SRGAP1: variants seen among roughly 807,000 people sequenced by gnomAD.
The protein encoded by SRGAP1 is SLIT-ROBO Rho GTPase-activating protein 1.
A neutral mutation model predicts 121.9 loss-of-function variants in SRGAP1; 43 were observed. The observed-to-expected ratio is 0.35, with a 90% CI of 0.28 to 0.46. The LOEUF is 0.46. Ranked by LOEUF, SRGAP1 falls within the 20% of genes least tolerant of loss-of-function variation. The pLI, the probability that SRGAP1 is intolerant of heterozygous loss-of-function variation, is 1.00. For missense variants in SRGAP1, 1,102 were observed against 1,350.9 expected (o/e 0.82, Z 2.89); for synonymous variants, 447 against 485.4 (o/e 0.92, Z 1.04).
Position 64,035,173 on chromosome 12 carries a change from C to T in SRGAP1, c.490-7617C>T, listed in dbSNP as rs192859689. ...ATTGTAGGTGTATGTTAAGGGCTGGCTTCTCATGCCTTTATATCCTTTATA... is the reference window on the plus strand; with the variant it reads ...ATTGTAGGTGTATGTTAAGGGCTGGTTTCTCATGCCTTTATATCCTTTATA... On this transcript the variant is annotated intron_variant, in intron 4 of 21. Coordinates refer to ENST00000355086, the MANE Select transcript of SRGAP1 (RefSeq NM_020762.4). Among the ~76,000 whole-genome samples the T allele has an allele frequency of 1.4e-4, 22 of 152,150 alleles. No homozygotes were observed. In the East Asian group the frequency reaches 4.3e-3, roughly 29 times the overall value.
rs1898848752 is a variant in SRGAP1 at position 63,844,939 on chromosome 12, C to T, written c.67+56C>T. 6 of 1,524,900 alleles carry T rather than the reference C, an allele frequency of 3.9e-6. No individual in the cohort carries two copies. Among genetic ancestry groups the T allele is most frequent in the East Asian group, 2.2e-5 (1 of 44,476 alleles). The allele number at this position is 1,524,900 out of a possible 1,614,324, so 94.5% of individuals were successfully genotyped here. On this transcript the variant is annotated intron_variant, in intron 1 of 21. Transcript: ENST00000355086. The surrounding 1 kb of genome is among the most constrained non-coding windows in gnomAD (Gnocchi z 4.3). Reference sequence around the variant, plus strand: ...TTGTGTGCCTTCTTGTCATTGTGCTCGTGGAGTTGCGTATCTAACTTGGTG... The same window carrying T: ...TTGTGTGCCTTCTTGTCATTGTGCTTGTGGAGTTGCGTATCTAACTTGGTG...
chr12:63,901,364 C>T (rs61933088), intron 1 of SRGAP1, among the ~76,000 whole-genome samples: 7,323 of 152,184 alleles, frequency 0.048, 272 homozygotes, highest in Middle Eastern at 0.14. Context: ...GTAAAGTCTC[C>T]CTGTTGAGTT....
intron 18 of SRGAP1, among the ~76,000 whole-genome samples, chr12:64,118,311 C>G (rs11829790): frequency 6.6e-6 from 1 of 152,054 alleles, no homozygotes; most frequent in African/African-American, 2.4e-5. Context: ...ACTTTGTCAC[C>G]CAGGCTGGAG....
intron 14 of SRGAP1, among the ~76,000 whole-genome samples, chr12:64,095,628 G>T (rs1434753834): frequency 6.6e-6 from 1 of 152,212 alleles, no homozygotes; most frequent in Middle Eastern, 3.4e-3. Context: ...ACCCTAGGGG[G>T]TGCCTTATGC....
intron 1 of SRGAP1, among the ~76,000 whole-genome samples, chr12:63,970,683 G>C (rs2032921323): frequency 6.6e-6 from 1 of 152,050 alleles, no homozygotes; most frequent in Admixed American, 6.6e-5. Flanking sequence ...TTGCATTATG[G>C]TACTCACAAA....
At chr12:63,994,926 A>G (rs2033653229) in intron 3 of SRGAP1, among the ~76,000 whole-genome samples, 1 of 152,256 alleles carries the variant, frequency 6.6e-6, no homozygotes, top group South Asian at 2.1e-4. Context: ...TGCAGTTCAT[A>G]TGCTACGCAT....
chr12:63,911,084 G>A (rs1230920048), intron 1 of SRGAP1, among the ~76,000 whole-genome samples: 1 of 152,052 alleles, frequency 6.6e-6, no homozygotes, highest in Admixed American at 6.5e-5. Context: ...TGGATCACGA[G>A]GTCAGGAGAT....
intron 6 of SRGAP1, among the ~76,000 whole-genome samples, chr12:64,046,820 G>T (rs2035139823): frequency 6.6e-6 from 1 of 151,910 alleles, no homozygotes; most frequent in East Asian, 1.9e-4. Context: ...CATTGTCATG[G>T]ATATTTATTG....
Position 64,148,840 on chromosome 12 carries a change from A to G in SRGAP1, c.*6168A>G, listed in dbSNP as rs1216815475. The stretch of plus-strand genomic sequence containing the variant: ...CACCACCCAGTTTAAGCAATAGCAC[A>G]TTATCAGCATCCCAGAAGCTACTGT... On this transcript the variant is annotated 3_prime_UTR_variant, in exon 22 of 22. Transcript: ENST00000355086. The G allele has an allele frequency of 6.6e-6, 1 of 152,256 alleles. No homozygotes were observed. The highest frequency in any genetic ancestry group is 1.5e-5 in the Non-Finnish European group (1 of 68,044). The allele number at this position is 152,256 out of a possible 1,614,324, so 9.4% of individuals were successfully genotyped here. A position where few individuals can be genotyped will look rare whatever the true frequency, so the allele number is the denominator to read the frequency against.
In SRGAP1 at chr12:63,874,772, A is replaced by G. The variant is rs543655525; in HGVS notation, c.67+29889A>G. 5.3e-5 allele frequency among the ~76,000 whole-genome samples: 8 copies of G among 152,274 alleles called. No individual in the cohort carries two copies. In the East Asian group the frequency reaches 5.8e-4, roughly 11 times the overall value. ...ATGCCTGGCCTTATAGTGAACTCTC[A>G]AATATGAGCTTTTACTGTTGCTATG... On this transcript the variant is annotated intron_variant, in intron 1 of 21. Transcript: ENST00000355086.
At chr12:64,010,654 G>C (rs2034226348) in intron 3 of SRGAP1, among the ~76,000 whole-genome samples, 1 of 152,036 alleles carries the variant, frequency 6.6e-6, no homozygotes, top group South Asian at 2.1e-4. Context: ...TGTGGTCCCT[G>C]CTCTCAAAGA....
chr12:63,859,523 T>G (rs1271881366), intron 1 of SRGAP1, among the ~76,000 whole-genome samples: 1 of 152,194 alleles, frequency 6.6e-6, no homozygotes, highest in Non-Finnish European at 1.5e-5. Flanking sequence ...TGCTCTTATC[T>G]TTACTATCAT....
rs144758239 is a variant in SRGAP1, at chr12:64,005,793, T to C, written c.427-11157T>C. On this transcript the variant is annotated intron_variant, in intron 3 of 21. Coordinates refer to ENST00000355086, the MANE Select transcript of SRGAP1 (RefSeq NM_020762.4). ...GTCATGACAAATGCATAGTAACTTA[T>C]ACTTCTCTTCCCTTTTTATTTTTTC... Among the ~76,000 whole-genome samples, 98 of 152,302 alleles carry C rather than the reference T, an allele frequency of 6.4e-4. 2 individuals carry two copies. The East Asian group carries it at 0.019, about 29-fold the overall frequency.
At chr12:64,072,603 T>C (rs979287937) in intron 8 of SRGAP1, among the ~76,000 whole-genome samples, 4 of 152,064 alleles carry the variant, frequency 2.6e-5, no homozygotes, top group African/African-American at 9.7e-5. Context: ...AAGATGGCCA[T>C]CTGCAAGCCA....
At chr12:63,949,178 C>CAT (rs958771612) in intron 1 of SRGAP1, among the ~76,000 whole-genome samples, 38 of 83,034 alleles carry the variant, frequency 4.6e-4, no homozygotes, top group African/African-American at 1.6e-3. Flanking sequence ...ATATTTTTTC[C>CAT]ATATATATTT....
At chr12:64,141,573 GCAT>G (rs1396556357) in intron 21 of SRGAP1, among the ~76,000 whole-genome samples, 3 of 152,072 alleles carry the variant, frequency 2.0e-5, no homozygotes, top group African/African-American at 7.2e-5. Context: ...GAGCAAGACT[GCAT>G]CTTGGGGGGG....
chr12:64,091,920 A>T lies in SRGAP1; in HGVS notation c.1539+542A>T, dbSNP rs1261254698. On this transcript the variant is annotated intron_variant, in intron 12 of 21. Transcript: ENST00000355086. ...GAGGACGAAGAAACTCGCACACAAGACATCAGGTATAGTGCTAGAGGGACG... is the reference window on the plus strand; with the variant it reads ...GAGGACGAAGAAACTCGCACACAAGTCATCAGGTATAGTGCTAGAGGGACG... The T allele has an allele frequency of 2.0e-6, 3 of 1,535,824 alleles. No individual in the cohort carries two copies. The Admixed American group carries it at 5.9e-5, about 30-fold the overall frequency.
At chr12:63,959,626 A>G (rs2032578934) in intron 1 of SRGAP1, among the ~76,000 whole-genome samples, 1 of 152,180 alleles carries the variant, frequency 6.6e-6, no homozygotes, top group African/African-American at 2.4e-5. Context: ...TAGATTTATT[A>G]GTAATAAACA....
At position 64,157,908 on chromosome 12, in the gene SRGAP1, G is replaced by C. The variant is rs1161085017; in HGVS notation, c.*15236G>C. ...GTTCTGGGCTCCTTCCATTTTTTTT[G>C]TTGCTGCCACCTTAGTACGTGGCCA... On this transcript the variant is annotated 3_prime_UTR_variant, in exon 22 of 22. Transcript: ENST00000355086. 1.3e-5 allele frequency: 2 copies of C among 152,002 alleles called. No individual in the cohort carries two copies. Among genetic ancestry groups the C allele is most frequent in the African/African-American group, 4.8e-5 (2 of 41,366 alleles). The allele number at this position is 152,002 out of a possible 1,614,324, so 9.4% of individuals were successfully genotyped here.
Sources: gnomAD v4.1 joint callset for allele counts (sites outside exome capture counted in the v4.1 genomes callset) on GRCh38, gnomAD v4.1.1 for gene constraint, Gnocchi (gnomAD v3.1) non-coding constraint, MANE v1.5 for transcripts, NCBI Gene and HGNC (gene_info 2026-07-23, HGNC 2026-07-21) for gene names.